Variants in LRP2 observed in about 807,000 individuals in gnomAD.
LRP2 encodes the protein LDL receptor related protein 2.
A neutral mutation model predicts 531.0 loss-of-function variants in LRP2; 172 were observed. The ratio of observed to expected loss-of-function variants is 0.32; its 90% CI spans 0.29 to 0.37. The LOEUF is 0.37. Ranked by LOEUF, LRP2 falls within the 10% of genes least tolerant of loss-of-function variation. LRP2 has a pLI of 1.00. For synonymous variants in LRP2, 1,992 were observed against 2,027.6 expected, an observed-to-expected ratio of 0.98 and a Z score of 0.47; for missense variants, 5,167 against 5,868.3, an observed-to-expected ratio of 0.88 and a Z score of 3.90.
At chr2:169,146,450 C>T (rs1685915150) in intron 69 of LRP2, among the ~76,000 whole-genome samples, 1 of 152,116 alleles carries the variant, frequency 6.6e-6, no homozygotes, top group Admixed American at 6.5e-5. Flanking sequence ...CACATGAAAC[C>T]ACCTCTACTG....
At chr2:169,268,905 T>G (rs139905197) in intron 16 of LRP2, among the ~76,000 whole-genome samples, 125,254 of 152,048 alleles carry the variant, frequency 0.82, 52,743 homozygotes, top group East Asian at 0.97. Flanking sequence ...TTCAGCAAAG[T>G]CTCAGGATAC....
intron 3 of LRP2, among the ~76,000 whole-genome samples, chr2:169,311,531 G>A (rs1382278905): frequency 3.3e-5 from 5 of 152,190 alleles, no homozygotes; most frequent in Non-Finnish European, 7.3e-5. Flanking sequence ...TCTTAATCCT[G>A]AGTTTTAGTT....
chr2:169,180,741 G>A (rs752086785), intron 52 of LRP2, among the ~76,000 whole-genome samples: 2 of 152,190 alleles, frequency 1.3e-5, no homozygotes, highest in Non-Finnish European at 2.9e-5. Flanking sequence ...AGTGCAACAG[G>A]CTGTTCCTGG....
At position 169,140,514 on chromosome 2, in the gene LRP2, TG is replaced by T. The variant is rs80338754; in HGVS notation, c.13139del (p.Pro4380HisfsTer46). 1.3e-6 allele frequency: 2 copies of T among 1,590,610 alleles called. No homozygotes were observed. Among genetic ancestry groups the T allele is most frequent in the Non-Finnish European group, 1.7e-6 (2 of 1,160,118 alleles). Reference protein sequence around the residue: ...AIELPINLPPPCRCMHGGNCY... With the variant: ...AIELPINLPPXCRCMHGGNCY... ...AATTTCCTCCGTGCATGCACCTGCA[TG>T]GGGGGGGCAGGTTGATAGGCAGTTC... On this transcript the variant is annotated frameshift_variant, in exon 72 of 79. Transcript: ENST00000649046. LOFTEE classifies it high-confidence loss of function.
chr2:169,293,103 C>T (rs831022), intron 6 of LRP2, among the ~76,000 whole-genome samples: 59,914 of 151,872 alleles, frequency 0.39, 12,489 homozygotes, highest in African/African-American at 0.51. Context: ...AGGGTGATAT[C>T]GAAAATATTT....
chr2:169,202,877 A>G lies in LRP2; in HGVS notation c.8088T>C (p.Asn2696=), dbSNP rs1688248677. The G allele has an allele frequency of 6.2e-7, 1 of 1,614,204 alleles. No homozygotes were observed. Among genetic ancestry groups the G allele is most frequent in the South Asian group, 1.1e-5 (1 of 91,082 alleles). ...AGGAAGATGCACCACATCGTTCACC[A>G]TTGTCCACAATGCAGTGCTTCCTGT... The part of the protein sequence containing the change: ...ANNRKHCIVD[N]GERCGASSFT... Residue 2696 remains asparagine, a synonymous_variant, in exon 43 of 79, where the codon AAT becomes AAC. Transcript: ENST00000649046.
intron 31 of LRP2, among the ~76,000 whole-genome samples, chr2:169,231,162 C>T (rs575875449): frequency 6.6e-6 from 1 of 152,004 alleles, no homozygotes; most frequent in African/African-American, 2.4e-5. Context: ...GGTGTGGTGG[C>T]GTGCACCTAT....
In LRP2 at chr2:169,169,659, T is replaced by C. The variant is rs770309219; in HGVS notation, c.11497+43A>G. The C allele has an allele frequency of 1.9e-5, 28 of 1,447,478 alleles. No individual in the cohort carries two copies. In the African/African-American group the frequency reaches 2.2e-4, roughly 12 times the overall value. The allele number at this position is 1,447,478 out of a possible 1,614,324, so 89.7% of individuals were successfully genotyped here. On this transcript the variant is annotated intron_variant, in intron 60 of 78. Coordinates refer to ENST00000649046, the MANE Select transcript of LRP2 (RefSeq NM_004525.3). Reference sequence around the variant, plus strand: ...ACTGATGTCTAAACTATCATATCCATGCTCTCAGGTAAGCAGTACTACATA... The same window carrying C: ...ACTGATGTCTAAACTATCATATCCACGCTCTCAGGTAAGCAGTACTACATA...
intron 16 of LRP2, among the ~76,000 whole-genome samples, chr2:169,268,747 G>T (rs1382770962): frequency 6.6e-6 from 1 of 152,118 alleles, no homozygotes; most frequent in African/African-American, 2.4e-5. Flanking sequence ...TGGAAGTTCT[G>T]GCCAGGGCAA....
chr2:169,175,179 G>A lies in LRP2; in HGVS notation c.10768+14C>T. The A allele has an allele frequency of 6.2e-7, 1 of 1,613,716 alleles. No individual in the cohort carries two copies. Among genetic ancestry groups the A allele is most frequent in the Non-Finnish European group, 8.5e-7 (1 of 1,179,752 alleles). On this transcript the variant is annotated intron_variant, in intron 55 of 78. Coordinates refer to ENST00000649046, the MANE Select transcript of LRP2 (RefSeq NM_004525.3). ...TAGAAGTCGGAAAAAGAGGCATAAA[G>A]CGACTCAACACACCACAAAGAAGAC...
intron 63 of LRP2, among the ~76,000 whole-genome samples, chr2:169,158,146 T>C (rs1686413317): frequency 1.3e-5 from 2 of 150,688 alleles, no homozygotes; most frequent in South Asian, 2.1e-4. Context: ...GTAAAATACA[T>C]AGAGTTCTAA....
chr2:169,344,323 T>C (rs373902898), intron 1 of LRP2, among the ~76,000 whole-genome samples: 212 of 149,166 alleles, frequency 1.4e-3, no homozygotes, highest in African/African-American at 5.0e-3. Flanking sequence ...CCTGTGTCCA[T>C]GTGTTCTCAT....
At chr2:169,273,534 A>G (rs1377504645) in intron 14 of LRP2, among the ~76,000 whole-genome samples, 3 of 152,170 alleles carry the variant, frequency 2.0e-5, no homozygotes, top group East Asian at 1.9e-4. Flanking sequence ...CCAAGAATCT[A>G]AACAGTTAAA....
intron 9 of LRP2, among the ~76,000 whole-genome samples, chr2:169,283,924 G>A (rs1011227262): frequency 6.6e-6 from 1 of 152,048 alleles, no homozygotes; most frequent in African/African-American, 2.4e-5. Context: ...AAGGCTTCAG[G>A]GGTGCAGAAA....
At position 169,186,636 on chromosome 2, in the gene LRP2, T is replaced by C. The variant is rs573888207; in HGVS notation, c.9329-617A>G. Among the ~76,000 whole-genome samples, 8 of 152,348 alleles carry C rather than the reference T, an allele frequency of 5.3e-5. No homozygotes were observed. The East Asian group carries it at 1.3e-3, about 26-fold the overall frequency. On this transcript the variant is annotated intron_variant, in intron 49 of 78. Coordinates refer to ENST00000649046, the MANE Select transcript of LRP2 (RefSeq NM_004525.3). ...ATTATCCAAATATCAGGCCAAGCTC[T>C]TCCACTAGTTCACTGTGCACCCCCA...
intron 1 of LRP2, among the ~76,000 whole-genome samples, chr2:169,328,135 C>A (rs1417654105): frequency 2.8e-5 from 4 of 141,212 alleles, no homozygotes; most frequent in Non-Finnish European, 6.2e-5. Context: ...GCCGCCCCTA[C>A]TGGGAAGTGA....
At chr2:169,246,666 A>G (rs745585376) in intron 21 of LRP2, 39 bp downstream of exon 21, 2 of 1,610,842 alleles carry the variant, frequency 1.2e-6, no homozygotes, top group South Asian at 1.1e-5. Flanking sequence ...CCTCTACTCT[A>G]TTCATCCCAG....
chr2:169,193,244 T>A (rs904124589), intron 47 of LRP2, among the ~76,000 whole-genome samples: 1 of 151,534 alleles, frequency 6.6e-6, no homozygotes, highest in African/African-American at 2.4e-5. Context: ...CTAGCCAATA[T>A]AGTGAGACTT....
Position 169,129,022 on chromosome 2 carries a change from G to C in LRP2, c.13791C>G (p.Ile4597Met). The change falls in exon 78 of 79, where the codon ATC (isoleucine) becomes ATG (methionine). Residue 4597 changes from isoleucine (I) to methionine (M), a missense_variant. This residue lies in a region of LRP2 where 348 missense variants were observed against 369.3 expected (regional missense o/e 0.94). Coordinates refer to ENST00000649046, the MANE Select transcript of LRP2 (RefSeq NM_004525.3). ...AATTGTTAAAAATTACCTGTGCATA[G>C]ATTGGATTTTCAAAGTTGGTAGTTT... ...SKQTTNFENP[I>M]YAQMENEQKE... is the part of the protein sequence containing the mutation. The C allele has an allele frequency of 6.2e-7, 1 of 1,609,786 alleles. No homozygotes were observed. The highest frequency in any genetic ancestry group is 8.5e-7 in the Non-Finnish European group (1 of 1,176,078).
Sources: gnomAD v4.1 joint callset for allele counts (sites outside exome capture counted in the v4.1 genomes callset) on GRCh38, gnomAD v4.1.1 for gene constraint, gnomAD v4.1.1 regional missense constraint, MANE v1.5 for transcripts, NCBI Gene and HGNC (gene_info 2026-07-23, HGNC 2026-07-21) for gene names.